Variants in SGCG observed in about 807,000 individuals in gnomAD.
SGCG encodes gamma-sarcoglycan.
Under a neutral mutation model 29.3 loss-of-function variants are expected in SGCG, and 26 were observed. The observed-to-expected ratio is 0.89, with a 90% CI of 0.65 to 1.23. The LOEUF is 1.23. SGCG is among the 50% of genes most tolerant of loss of function. The pLI is 0.00. For synonymous variants in SGCG, 145 were observed against 129.7 expected, an observed-to-expected ratio of 1.12 and a Z score of -0.80; for missense variants, 353 against 356.0, an observed-to-expected ratio of 0.99 and a Z score of 0.07.
chr13:23,275,026 TTAAA>T (rs1359695988), intron 4 of SGCG, among the ~76,000 whole-genome samples: 3 of 151,032 alleles, frequency 2.0e-5, no homozygotes, highest in African/African-American at 4.9e-5. Context: ...TAAATTTTTG[TTAAA>T]TAAATGAAGA....
At chr13:23,232,117 A>C (rs1320083593) in intron 2 of SGCG, among the ~76,000 whole-genome samples, 2 of 141,934 alleles carry the variant, frequency 1.4e-5, no homozygotes, top group Non-Finnish European at 3.1e-5. Flanking sequence ...AGATTCCATA[A>C]AGAAAAAAAA....
At chr13:23,213,914 TAAGG>T in intron 2 of SGCG, among the ~76,000 whole-genome samples, 1 of 152,292 alleles carries the variant, frequency 6.6e-6, no homozygotes. Context: ...GTGTGCTTCC[TAAGG>T]AAGGGCAGTG....
At chr13:23,227,322 A>C (rs1878938445) in intron 2 of SGCG, among the ~76,000 whole-genome samples, 1 of 139,426 alleles carries the variant, frequency 7.2e-6, no homozygotes, top group Non-Finnish European at 1.6e-5. Flanking sequence ...TGGGAAAAAA[A>C]AAAAAAACAA....
intron 1 of SGCG, among the ~76,000 whole-genome samples, chr13:23,189,257 A>G (rs1175920126): frequency 6.6e-6 from 1 of 152,048 alleles, no homozygotes; most frequent in East Asian, 1.9e-4. Flanking sequence ...GCTCACTGCA[A>G]CCTCCGCCTC....
At chr13:23,215,417 A>T (rs73443231) in intron 2 of SGCG, among the ~76,000 whole-genome samples, 1,549 of 152,288 alleles carry the variant, frequency 0.01, 25 homozygotes, top group African/African-American at 0.035. Context: ...CTACTTTGAG[A>T]TACTGTAAAA....
the SGCG span, among the ~76,000 whole-genome samples, chr13:23,165,700 T>A: frequency 8.3e-6 from 1 of 120,284 alleles, no homozygotes; most frequent in Non-Finnish European, 1.8e-5. Flanking sequence ...AATTTTTGTA[T>A]TTTTTTAGTA....
At chr13:23,296,890 T>G (rs1335446114) in intron 6 of SGCG, among the ~76,000 whole-genome samples, 1 of 152,218 alleles carries the variant, frequency 6.6e-6, no homozygotes, top group Non-Finnish European at 1.5e-5. Context: ...TCCAATAATA[T>G]ATTTGTATTT....
chr13:23,318,367 G>A (rs558864815), intron 6 of SGCG, among the ~76,000 whole-genome samples: 50 of 152,054 alleles, frequency 3.3e-4, no homozygotes, highest in Non-Finnish European at 6.3e-4. Context: ...AATTCTGAAA[G>A]CAAAGTTAGT....
At chr13:23,250,257 G>A (rs1292711635) in intron 3 of SGCG, among the ~76,000 whole-genome samples, 2 of 152,136 alleles carry the variant, frequency 1.3e-5, no homozygotes, top group African/African-American at 4.8e-5. Context: ...ATAGAGAGTA[G>A]CAGGAAAAAG....
chr13:23,217,056 C>T (rs1878454571), intron 2 of SGCG, among the ~76,000 whole-genome samples: 1 of 152,022 alleles, frequency 6.6e-6, no homozygotes, highest in African/African-American at 2.4e-5. Flanking sequence ...GTGGGAAGTA[C>T]CACCACTCCG....
At position 23,259,274 on chromosome 13, in the gene SGCG, G is replaced by A. The variant is rs557770615; in HGVS notation, c.385+8557G>A. On this transcript the variant is annotated intron_variant, in intron 4 of 7. Transcript: ENST00000218867. Reference sequence around the variant, plus strand: ...ACTTCTTCCTGGTTTAGTCTTGGGAGGGTGTATGTGTCCAGGAAATATCCA... The same window carrying A: ...ACTTCTTCCTGGTTTAGTCTTGGGAAGGTGTATGTGTCCAGGAAATATCCA... 2.0e-5 allele frequency among the ~76,000 whole-genome samples: 3 copies of A among 152,258 alleles called. No homozygotes were observed. In the South Asian group the frequency reaches 6.2e-4, roughly 32 times the overall value.
intron 1 of SGCG, among the ~76,000 whole-genome samples, chr13:23,193,921 G>A (rs1565994572): frequency 6.6e-6 from 1 of 152,102 alleles, no homozygotes; most frequent in South Asian, 2.1e-4. Context: ...AAGGGCCTGA[G>A]AATTAAAGTC....
chr13:23,183,642 G>A (rs969356180), intron 1 of SGCG, among the ~76,000 whole-genome samples: 25 of 152,024 alleles, frequency 1.6e-4, no homozygotes, highest in Admixed American at 1.4e-3. Flanking sequence ...TGATTGTAAC[G>A]AAAACTTTAT....
intron 2 of SGCG, among the ~76,000 whole-genome samples, chr13:23,209,932 A>G (rs1878128656): frequency 6.6e-6 from 1 of 152,224 alleles, no homozygotes; most frequent in Admixed American, 6.5e-5. Flanking sequence ...ACACTATGTG[A>G]AGTGTTTAAT....
At chr13:23,234,068 G>T (rs1418273499) in intron 2 of SGCG, among the ~76,000 whole-genome samples, 1 of 152,202 alleles carries the variant, frequency 6.6e-6, no homozygotes, top group Non-Finnish European at 1.5e-5. Flanking sequence ...AATCTTTCAT[G>T]ACTGTAAACT....
At chr13:23,293,914 AC>A (rs1256312138) in intron 5 of SGCG, among the ~76,000 whole-genome samples, 2 of 152,014 alleles carry the variant, frequency 1.3e-5, no homozygotes, top group Non-Finnish European at 2.9e-5. Flanking sequence ...AGGCTGGGAA[AC>A]CTTTACCCAG....
chr13:23,241,127 T>C (rs7325988), intron 3 of SGCG, among the ~76,000 whole-genome samples: 78,208 of 142,214 alleles, frequency 0.55, 21,536 homozygotes, highest in South Asian at 0.64. Flanking sequence ...CCAGCCTGGG[T>C]GACGGAGCGA....
intron 4 of SGCG, among the ~76,000 whole-genome samples, chr13:23,258,590 T>C (rs1177961480): frequency 1.3e-5 from 2 of 152,162 alleles, no homozygotes; most frequent in African/African-American, 4.8e-5. Context: ...CTATGTTGAA[T>C]AGGAGTGGTG....
In SGCG at chr13:23,299,440, A is replaced by T. The variant is rs867494388; in HGVS notation, c.578+3953A>T. ...TATATATATATATATATATATATAT[A>T]TATATATATATATATATTTTTTTTT... On this transcript the variant is annotated intron_variant, in intron 6 of 7. Transcript: ENST00000218867. 5.3e-3 allele frequency among the ~76,000 whole-genome samples: 28 copies of T among 5,236 alleles called. 1 individual carries two copies. Among genetic ancestry groups the T allele is most frequent in the Admixed American group, 9.3e-3 (3 of 324 alleles). The allele number at this position is 5,236 out of a possible 152,430, so 3.4% of individuals were successfully genotyped here.
Sources: gnomAD v4.1 joint callset for allele counts (sites outside exome capture counted in the v4.1 genomes callset) on GRCh38, gnomAD v4.1.1 for gene constraint, MANE v1.5 for transcripts, NCBI Gene and HGNC (gene_info 2026-07-23, HGNC 2026-07-21) for gene names.